Variants in ITFG1 observed in about 807,000 individuals in gnomAD.
The protein encoded by ITFG1 is T-cell immunomodulatory protein.
Under a neutral mutation model 81.8 loss-of-function variants are expected in ITFG1, and 34 were observed. The ratio of observed to expected loss-of-function variants is 0.42; its 90% confidence interval spans 0.32 to 0.55. The LOEUF (loss-of-function observed/expected upper bound fraction) is 0.55. Among genes scored for constraint, ITFG1 ranks in the 20% least tolerant of loss-of-function variants. ITFG1 has a pLI of 0.17. For missense variants in ITFG1, 672 were observed against 755.4 expected (o/e 0.89, Z 1.29); for synonymous variants, 285 against 270.6 (o/e 1.05, Z -0.52).
intron 14 of ITFG1, among the ~76,000 whole-genome samples, chr16:47,182,187 A>C (rs1048963442): frequency 1.7e-4 from 26 of 152,192 alleles, no homozygotes; most frequent in Non-Finnish European, 3.4e-4. Context: ...ATTAAAAAAA[A>C]AAAAAACAAA....
chr16:47,409,040 C>A (rs919455681), intron 6 of ITFG1, among the ~76,000 whole-genome samples: 2 of 151,174 alleles, frequency 1.3e-5, no homozygotes, highest in South Asian at 2.1e-4. Context: ...AGAAAAAGAG[C>A]AAAAAAAGCA....
At chr16:47,222,551 C>T (rs954878992) in intron 13 of ITFG1, among the ~76,000 whole-genome samples, 2 of 151,868 alleles carry the variant, frequency 1.3e-5, no homozygotes, top group African/African-American at 2.4e-5. Flanking sequence ...GTAGCTGGGA[C>T]TACAGGCACC....
intron 8 of ITFG1, among the ~76,000 whole-genome samples, chr16:47,334,907 A>T (rs1287361909): frequency 6.6e-6 from 1 of 152,238 alleles, no homozygotes; most frequent in Non-Finnish European, 1.5e-5. Context: ...TTACAGAGCT[A>T]AAATTAGAAA....
intron 8 of ITFG1, among the ~76,000 whole-genome samples, chr16:47,341,109 T>C (rs573524158): frequency 6.6e-5 from 10 of 151,528 alleles, no homozygotes; most frequent in African/African-American, 2.4e-4. Flanking sequence ...GAAGAATCAC[T>C]AGGGAAATGA....
chr16:47,161,667 T>A (rs1964807582), intron 16 of ITFG1, 83 bp downstream of exon 16: 3 of 872,262 alleles, frequency 3.4e-6, no homozygotes, highest in Non-Finnish European at 5.8e-6. Context: ...AGCAGGAATA[T>A]GAGAGAGCTT....
At chr16:47,458,267 C>A (rs988233981) in intron 2 of ITFG1, among the ~76,000 whole-genome samples, 47 of 152,194 alleles carry the variant, frequency 3.1e-4, no homozygotes, top group African/African-American at 1.0e-3. Flanking sequence ...CCGAAGTGTA[C>A]CTTCCACTTT....
intron 8 of ITFG1, among the ~76,000 whole-genome samples, chr16:47,325,759 C>T (rs1361625751): frequency 6.6e-6 from 1 of 152,114 alleles, no homozygotes; most frequent in Non-Finnish European, 1.5e-5. Flanking sequence ...ATACACCCTC[C>T]CAAGACTAAA....
At chr16:47,445,480 T>C (rs1252910314) in intron 5 of ITFG1, among the ~76,000 whole-genome samples, 1 of 152,164 alleles carries the variant, frequency 6.6e-6, no homozygotes, top group East Asian at 1.9e-4. Flanking sequence ...ATGATCTGTA[T>C]TTCCATATTT....
chr16:47,445,856 G>A (rs879880823), intron 5 of ITFG1, among the ~76,000 whole-genome samples: 14 of 152,070 alleles, frequency 9.2e-5, no homozygotes, highest in Non-Finnish European at 1.2e-4. Context: ...ACCACCAAAG[G>A]CCCCCTGTGA....
intron 8 of ITFG1, among the ~76,000 whole-genome samples, chr16:47,355,830 A>G (rs897937115): frequency 2.0e-5 from 3 of 150,770 alleles, no homozygotes; most frequent in Non-Finnish European, 4.4e-5. Context: ...ATACATAATC[A>G]TATTTTTGAG....
intron 6 of ITFG1, among the ~76,000 whole-genome samples, chr16:47,423,548 C>T (rs1968979344): frequency 6.6e-6 from 1 of 152,246 alleles, no homozygotes; most frequent in South Asian, 2.1e-4. Flanking sequence ...TACCATTTGG[C>T]ATGTTTTTGT....
intron 10 of ITFG1, among the ~76,000 whole-genome samples, chr16:47,281,332 G>A (rs930402709): frequency 3.3e-5 from 5 of 152,128 alleles, no homozygotes; most frequent in African/African-American, 1.2e-4. Context: ...GTATTAGTCT[G>A]TAGTTTTCTT....
At chr16:47,186,648 A>C (rs1204058639) in intron 14 of ITFG1, among the ~76,000 whole-genome samples, 2 of 152,234 alleles carry the variant, frequency 1.3e-5, no homozygotes, top group Non-Finnish European at 2.9e-5. Flanking sequence ...ACCCACAGCC[A>C]ATATCATACT....
chr16:47,157,721 C>G (rs1480194575), intron 17 of ITFG1: 1 of 152,090 alleles, frequency 6.6e-6, no homozygotes, highest in Non-Finnish European at 1.5e-5. Flanking sequence ...AAGTGACAAG[C>G]CTATGAGCAT....
At chr16:47,393,749 T>C (rs1220517380) in intron 6 of ITFG1, among the ~76,000 whole-genome samples, 1 of 151,988 alleles carries the variant, frequency 6.6e-6, no homozygotes, top group Non-Finnish European at 1.5e-5. Flanking sequence ...AAAGAAATTT[T>C]TTTTGGTTTT....
At chr16:47,415,190 A>G (rs1388413930) in intron 6 of ITFG1, among the ~76,000 whole-genome samples, 1 of 152,188 alleles carries the variant, frequency 6.6e-6, no homozygotes, top group Non-Finnish European at 1.5e-5. Flanking sequence ...ATATTTTGTC[A>G]TTGTTTCCTC....
chr16:47,428,937 A>G, intron 5 of ITFG1, 39 bp from the exon 6 acceptor site: 1 of 1,142,950 alleles, frequency 8.7e-7, no homozygotes, highest in East Asian at 2.4e-5. Context: ...TAAGGCAAAC[A>G]TCAAATGAGC....
At chr16:47,454,615 A>AT (rs1969429341) in intron 2 of ITFG1, among the ~76,000 whole-genome samples, 1 of 152,198 alleles carries the variant, frequency 6.6e-6, no homozygotes, top group African/African-American at 2.4e-5. Context: ...TACAGTAAAA[A>AT]TTAAAAGAAT....
chr16:47,396,410 T>C (rs1477765578), intron 6 of ITFG1, among the ~76,000 whole-genome samples: 1 of 151,904 alleles, frequency 6.6e-6, no homozygotes, highest in Non-Finnish European at 1.5e-5. Context: ...CAAACTGTGA[T>C]AGAAATGAAG....
Sources: allele counts gnomAD v4.1 joint callset (sites outside exome capture counted in the v4.1 genomes callset), GRCh38; gene constraint gnomAD v4.1.1; transcripts MANE v1.5; gene names NCBI Gene and HGNC (gene_info 2026-07-23, HGNC 2026-07-21).